LTBP1: variants seen among roughly 807,000 people sequenced by gnomAD.
The protein encoded by LTBP1 is latent transforming growth factor beta binding protein 1, also known as latent-transforming growth factor beta-binding protein 1.
LTBP1 carries 129 observed loss-of-function variants against 207.6 expected under a neutral mutation model. The ratio of observed to expected loss-of-function variants is 0.62; its 90% CI spans 0.54 to 0.72. The LOEUF is 0.72. Ranked by LOEUF, LTBP1 falls within the 30% of genes least tolerant of loss-of-function variation. The pLI is 0.00. For synonymous variants in LTBP1, 963 were observed against 833.7 expected (o/e 1.16, Z -2.67); for missense variants, 2,281 against 2,217.2 (o/e 1.03, Z -0.58).
At chr2:33,302,950 TACACACAC>T (rs70938396) in intron 22 of LTBP1, among the ~76,000 whole-genome samples, 9,167 of 144,852 alleles carry the variant, frequency 0.063, 494 homozygotes, top group African/African-American at 0.14. Flanking sequence ...CTAATATTTT[TACACACAC>T]ACACACACAC....
intron 20 of LTBP1, among the ~76,000 whole-genome samples, chr2:33,298,306 A>G (rs2093919704): frequency 6.6e-6 from 1 of 152,208 alleles, no homozygotes; most frequent in Admixed American, 6.5e-5. Context: ...ATTACTTGTC[A>G]TGAATTACTC....
intron 4 of LTBP1, among the ~76,000 whole-genome samples, chr2:33,128,485 C>G (rs1352265345): frequency 2.6e-5 from 4 of 152,228 alleles, no homozygotes; most frequent in Admixed American, 2.6e-4. Flanking sequence ...TCCGGGTCCT[C>G]CAGCCACATG....
intron 10 of LTBP1, among the ~76,000 whole-genome samples, chr2:33,248,586 A>T (rs1432466746): frequency 2.8e-5 from 4 of 140,678 alleles, no homozygotes; most frequent in Admixed American, 2.1e-4. Flanking sequence ...TTCTCCACGA[A>T]TTTTTTTTTT....
At chr2:33,335,170 T>TG (rs1488425301) in intron 24 of LTBP1, among the ~76,000 whole-genome samples, 2 of 145,824 alleles carry the variant, frequency 1.4e-5, no homozygotes, top group African/African-American at 2.6e-5. Flanking sequence ...ATCTCCATGC[T>TG]GGGGAAAAAA....
chr2:33,198,300 T>C (rs998472288), intron 7 of LTBP1, among the ~76,000 whole-genome samples: 14 of 152,296 alleles, frequency 9.2e-5, no homozygotes, highest in Admixed American at 7.8e-4. Flanking sequence ...TTCGGTTTGC[T>C]AGTATTTTTT....
chr2:33,026,739 C>A (rs866828980), intron 3 of LTBP1, among the ~76,000 whole-genome samples: 2 of 152,170 alleles, frequency 1.3e-5, no homozygotes, highest in East Asian at 3.8e-4. Flanking sequence ...AAAATTTGAA[C>A]CAATCACTGA....
intron 7 of LTBP1, among the ~76,000 whole-genome samples, chr2:33,189,258 C>T (rs994310543): frequency 6.6e-6 from 1 of 152,178 alleles, no homozygotes; most frequent in Non-Finnish European, 1.5e-5. Flanking sequence ...TGCAGTGGCA[C>T]GATCTTGGCT....
At chr2:33,391,292 A>G (rs1263466777) in intron 32 of LTBP1, among the ~76,000 whole-genome samples, 1 of 129,448 alleles carries the variant, frequency 7.7e-6, no homozygotes, top group Non-Finnish European at 1.6e-5. Flanking sequence ...TCCTAACACC[A>G]TAGATGAACA....
At chr2:33,311,332 C>T (rs1486930653) in intron 23 of LTBP1, among the ~76,000 whole-genome samples, 3 of 152,118 alleles carry the variant, frequency 2.0e-5, no homozygotes, top group African/African-American at 7.2e-5. Flanking sequence ...CCATGTACCT[C>T]ATTTGAGATC....
At chr2:33,151,201 G>A (rs957382464) in intron 5 of LTBP1, among the ~76,000 whole-genome samples, 5 of 152,118 alleles carry the variant, frequency 3.3e-5, no homozygotes, top group Non-Finnish European at 7.4e-5. Flanking sequence ...AAATAATGTT[G>A]CTATGAGCCC....
chr2:33,038,201 G>A (rs959392671), intron 3 of LTBP1, among the ~76,000 whole-genome samples: 5 of 152,208 alleles, frequency 3.3e-5, no homozygotes, highest in Non-Finnish European at 7.4e-5. Flanking sequence ...GAACTTGTGG[G>A]TTAGGAATTC....
At chr2:32,974,461 G>A (rs982043001) in intron 2 of LTBP1, among the ~76,000 whole-genome samples, 7 of 152,114 alleles carry the variant, frequency 4.6e-5, no homozygotes, top group African/African-American at 1.7e-4. Flanking sequence ...AGTTGTTTGA[G>A]CTCCTTACAT....
chr2:33,191,534 T>A (rs1411164533), intron 7 of LTBP1, among the ~76,000 whole-genome samples: 1 of 152,248 alleles, frequency 6.6e-6, no homozygotes, highest in Non-Finnish European at 1.5e-5. Flanking sequence ...GACTGCCCAA[T>A]TAATTTGTGC....
At chr2:33,140,492 C>T (rs927708174) in intron 5 of LTBP1, among the ~76,000 whole-genome samples, 4 of 152,028 alleles carry the variant, frequency 2.6e-5, no homozygotes, top group Non-Finnish European at 5.9e-5. Context: ...TGTTTCAATA[C>T]AATAGTAAAA....
intron 24 of LTBP1, among the ~76,000 whole-genome samples, chr2:33,341,649 T>G (rs1165017841): frequency 1.4e-5 from 2 of 144,960 alleles, no homozygotes; most frequent in Non-Finnish European, 3.0e-5. Flanking sequence ...AGGTGGAGCT[T>G]GCAGTGAGCC....
chr2:33,196,093 T>C (rs897965391), intron 7 of LTBP1, among the ~76,000 whole-genome samples: 2 of 152,220 alleles, frequency 1.3e-5, no homozygotes, highest in Non-Finnish European at 2.9e-5. Context: ...TTATTTGCAC[T>C]GGGAAACTGA....
In LTBP1 at chr2:33,234,930, C is replaced by G. The variant is rs186686192; in HGVS notation, c.1877-8732C>G. Reference sequence around the variant, plus strand: ...TGGATGAAAGACTTAAATGTAAGACCTAAAACCATAAAAACCCTAGAAGAA... The same window carrying G: ...TGGATGAAAGACTTAAATGTAAGACGTAAAACCATAAAAACCCTAGAAGAA... On this transcript the variant is annotated intron_variant, in intron 9 of 33. Transcript: ENST00000404816. 3.9e-3 allele frequency among the ~76,000 whole-genome samples: 594 copies of G among 152,118 alleles called. 5 individuals carry two copies. Among genetic ancestry groups the G allele is most frequent in the African/African-American group, 0.014 (562 of 41,498 alleles).
chr2:33,289,913 C>T (rs988888408), intron 19 of LTBP1, among the ~76,000 whole-genome samples: 2 of 152,162 alleles, frequency 1.3e-5, no homozygotes, highest in Non-Finnish European at 2.9e-5. Flanking sequence ...GCACCACCTG[C>T]TTCCTTCATA....
chr2:33,122,870 G>A (rs185389249), intron 4 of LTBP1, among the ~76,000 whole-genome samples: 3 of 152,232 alleles, frequency 2.0e-5, no homozygotes, highest in African/African-American at 7.2e-5. Flanking sequence ...GTACACAACC[G>A]CAGTTGAACA....
Sources: gnomAD v4.1 joint callset for allele counts (sites outside exome capture counted in the v4.1 genomes callset) on GRCh38, gnomAD v4.1.1 for gene constraint, MANE v1.5 for transcripts, NCBI Gene and HGNC (gene_info 2026-07-23, HGNC 2026-07-21) for gene names.